Variants in KCNIP4 observed in about 807,000 individuals in gnomAD.
KCNIP4 encodes the protein Kv channel-interacting protein 4.
A neutral mutation model predicts 34.0 loss-of-function variants in KCNIP4; 12 were observed. That is an observed-to-expected ratio of 0.35 (90% CI 0.23 to 0.57). The LOEUF is 0.57. Ranked by LOEUF, KCNIP4 falls within the 20% of genes least tolerant of loss-of-function variation. The pLI is 0.83. For missense variants in KCNIP4, 238 were observed against 311.7 expected (o/e 0.76, Z 1.78); for synonymous variants, 124 against 102.2 (o/e 1.21, Z -1.29).
At chr4:21,095,657 G>A (rs1206776098) in intron 1 of KCNIP4, among the ~76,000 whole-genome samples, 2 of 152,102 alleles carry the variant, frequency 1.3e-5, no homozygotes, top group African/African-American at 2.4e-5. Flanking sequence ...TTCTAAGTTT[G>A]AGAAGTGTTT....
chr4:21,602,354 C>G (rs1222921036), intron 1 of KCNIP4, among the ~76,000 whole-genome samples: 1 of 152,116 alleles, frequency 6.6e-6, no homozygotes, highest in Non-Finnish European at 1.5e-5. Flanking sequence ...TCAGGATCCT[C>G]TGCATATAAC....
At chr4:21,576,084 G>A (rs908937128) in intron 1 of KCNIP4, among the ~76,000 whole-genome samples, 2 of 152,296 alleles carry the variant, frequency 1.3e-5, no homozygotes, top group South Asian at 4.1e-4. Context: ...GCTCACAGGA[G>A]TTGGCCTATT....
At chr4:20,911,322 C>T (rs551634490) in intron 1 of KCNIP4, among the ~76,000 whole-genome samples, 1 of 152,210 alleles carries the variant, frequency 6.6e-6, no homozygotes, top group African/African-American at 2.4e-5. Flanking sequence ...TGTTTGCTTA[C>T]AGCATTTACT....
intron 1 of KCNIP4, among the ~76,000 whole-genome samples, chr4:21,616,137 C>G (rs1744586149): frequency 6.6e-6 from 1 of 152,174 alleles, no homozygotes; most frequent in African/African-American, 2.4e-5. Flanking sequence ...TTCTGCCCTT[C>G]CTCTTGCATC....
chr4:21,728,307 G>A (rs148125199), intron 1 of KCNIP4, among the ~76,000 whole-genome samples: 87 of 152,176 alleles, frequency 5.7e-4, no homozygotes, highest in Non-Finnish European at 9.3e-4. Flanking sequence ...TCTCCCAGGT[G>A]CTCAGGTTAA....
intron 1 of KCNIP4, among the ~76,000 whole-genome samples, chr4:21,101,582 T>C (rs1444730556): frequency 1.3e-5 from 2 of 152,130 alleles, no homozygotes; most frequent in African/African-American, 2.4e-5. Flanking sequence ...AGATGAGTGG[T>C]TGCATAGTGG....
chr4:20,733,723 G>A (rs1748909151), intron 6 of KCNIP4, among the ~76,000 whole-genome samples: 1 of 152,108 alleles, frequency 6.6e-6, no homozygotes, highest in Non-Finnish European at 1.5e-5. Context: ...TATACAAGAA[G>A]CACTATTTAG....
chr4:21,009,369 TG>T (rs1738866566), intron 1 of KCNIP4, among the ~76,000 whole-genome samples: 1 of 152,230 alleles, frequency 6.6e-6, no homozygotes, highest in South Asian at 2.1e-4. Flanking sequence ...GCCTCCATTA[TG>T]AACGAAATAA....
At chr4:21,444,998 A>G (rs1727847510) in intron 1 of KCNIP4, among the ~76,000 whole-genome samples, 3 of 152,218 alleles carry the variant, frequency 2.0e-5, no homozygotes, top group Admixed American at 2.0e-4. Context: ...ACAGAGAGCC[A>G]AATCATGAGT....
chr4:20,941,462 A>G (rs1308145300), intron 1 of KCNIP4, among the ~76,000 whole-genome samples: 1 of 152,216 alleles, frequency 6.6e-6, no homozygotes, highest in Non-Finnish European at 1.5e-5. Flanking sequence ...GGAAGTTCCA[A>G]ATGGAACATT....
intron 1 of KCNIP4, among the ~76,000 whole-genome samples, chr4:21,624,204 T>A (rs1373727111): frequency 6.6e-6 from 1 of 152,150 alleles, no homozygotes; most frequent in Non-Finnish European, 1.5e-5. Flanking sequence ...AACTCCCAAG[T>A]CAGCTTTATA....
intron 1 of KCNIP4, among the ~76,000 whole-genome samples, chr4:21,873,512 C>T (rs1299524946): frequency 1.3e-5 from 2 of 152,168 alleles, no homozygotes; most frequent in African/African-American, 2.4e-5. Context: ...CTAATACACA[C>T]ATACCACAGT....
At chr4:21,822,918 C>A (rs1722448726) in intron 1 of KCNIP4, among the ~76,000 whole-genome samples, 1 of 151,926 alleles carries the variant, frequency 6.6e-6, no homozygotes, top group Non-Finnish European at 1.5e-5. Context: ...GGGGTTTCAC[C>A]ATGTTGGCCA....
chr4:21,255,143 C>A (rs1237213803), intron 1 of KCNIP4, among the ~76,000 whole-genome samples: 1 of 152,058 alleles, frequency 6.6e-6, no homozygotes, highest in Non-Finnish European at 1.5e-5. Flanking sequence ...TTTTGCCCAA[C>A]TATAGAGGGA....
chr4:21,744,664 G>C (rs1461192482), intron 1 of KCNIP4, among the ~76,000 whole-genome samples: 7 of 152,104 alleles, frequency 4.6e-5, no homozygotes, highest in Non-Finnish European at 1.5e-5. Context: ...CCACAGCCAA[G>C]GTCACTTCTA....
intron 1 of KCNIP4, among the ~76,000 whole-genome samples, chr4:21,213,354 T>G: frequency 6.6e-6 from 1 of 152,094 alleles, no homozygotes; most frequent in Non-Finnish European, 1.5e-5. Flanking sequence ...CAGCCTGGAG[T>G]GCAGTGGTGT....
At chr4:21,899,968 G>T (rs1008274247) in intron 1 of KCNIP4, among the ~76,000 whole-genome samples, 1 of 146,618 alleles carries the variant, frequency 6.8e-6, no homozygotes, top group Non-Finnish European at 1.5e-5. Flanking sequence ...GAATACAAAT[G>T]AAAATTAAAA....
chr4:21,037,949 A>T lies in KCNIP4; in HGVS notation c.62-155240T>A, dbSNP rs1741596740. ...TTATAAACTAGCCCAAAAAACAAAC[A>T]TACAAAATGCTGGGGGTTTTTTTTT... is the stretch of plus-strand genomic sequence containing the variant. On this transcript the variant is annotated intron_variant, in intron 1 of 8. Coordinates refer to ENST00000382152, the MANE Select transcript of KCNIP4 (RefSeq NM_025221.6). Among the ~76,000 whole-genome samples the T allele has an allele frequency of 1.4e-5, 2 of 139,132 alleles. 1 individual carries two copies. The highest frequency in any genetic ancestry group is 5.1e-4 in the South Asian group (2 of 3,956). 91.3% of individuals were successfully genotyped at this position (139,132 alleles called of 152,430 possible).
At chr4:21,134,890 C>A (rs1387898935) in intron 1 of KCNIP4, among the ~76,000 whole-genome samples, 1 of 152,214 alleles carries the variant, frequency 6.6e-6, no homozygotes, top group South Asian at 2.1e-4. Context: ...GAAATGAGGG[C>A]AGAAACTACC....
Sources: allele counts gnomAD v4.1 joint callset (sites outside exome capture counted in the v4.1 genomes callset), GRCh38; gene constraint gnomAD v4.1.1; transcripts MANE v1.5; gene names NCBI Gene and HGNC (gene_info 2026-07-23, HGNC 2026-07-21).